Variants in TRMT6 observed in about 807,000 individuals in gnomAD.
TRMT6 encodes the protein tRNA (adenine(58)-N(1))-methyltransferase non-catalytic subunit TRM6.
A neutral mutation model predicts 59.0 loss-of-function variants in TRMT6; 34 were observed. The ratio of observed to expected loss-of-function variants is 0.58; its 90% confidence interval spans 0.44 to 0.77. The LOEUF (loss-of-function observed/expected upper bound fraction) is 0.77. TRMT6 is among the 30% of genes least tolerant of loss of function. The pLI is 0.00. For synonymous variants in TRMT6, 217 were observed against 210.5 expected (o/e 1.03, Z -0.27); for missense variants, 575 against 604.5 (o/e 0.95, Z 0.51).
intron 2 of TRMT6, among the ~76,000 whole-genome samples, chr20:5,945,610 T>C (rs1222888835): frequency 1.3e-5 from 2 of 152,210 alleles, no homozygotes; most frequent in Non-Finnish European, 2.9e-5. Context: ...ACTGCTATAA[T>C]TGCAGCGCCA....
At chr20:5,944,667 T>C (rs1201936785) in intron 3 of TRMT6, 138 bp downstream of exon 3, 2 of 621,960 alleles carry the variant, frequency 3.2e-6, no homozygotes, top group African/African-American at 3.7e-5. Context: ...TTGAGTAACA[T>C]GTACATTTCA....
At chr20:5,944,721 T>A in intron 3 of TRMT6, 84 bp downstream of exon 3, 1 of 971,286 alleles carries the variant, frequency 1.0e-6, no homozygotes, top group South Asian at 1.4e-5. Flanking sequence ...TTGTTTTACC[T>A]TAGGTACAGT....
rs777495177 is a variant in TRMT6 at position 5,942,003 on chromosome 20, T to A, written c.1060A>T (p.Arg354Trp). ...QEKQRRQEEQ[R>W]KRHLEAAALL... Reference sequence around the variant, plus strand: ...GCGGCAGCCTCTAAATGTCTTTTCCTCTGCTCTTCTTGTCTCCTCTGTTTT... The same window carrying A: ...GCGGCAGCCTCTAAATGTCTTTTCCACTGCTCTTCTTGTCTCCTCTGTTTT... Residue 354 changes from arginine to tryptophan, a missense_variant, in exon 8 of 11, where the codon AGG becomes TGG. Coordinates refer to ENST00000203001, the MANE Select transcript of TRMT6 (RefSeq NM_015939.5). 6.2e-7 allele frequency: 1 copy of A among 1,613,324 alleles called. No individual in the cohort carries two copies.
At position 5,944,705 on chromosome 20, in the gene TRMT6, A is replaced by AT. The variant is rs376710598; in HGVS notation, c.366+99dup. Reference sequence around the variant, plus strand: ...CTATTTCTATCAAAGCTATAACGTTATTTTTTTGTTTTACCTTAGGTACAG... The same window carrying AT: ...CTATTTCTATCAAAGCTATAACGTTATTTTTTTTGTTTTACCTTAGGTACAG... On this transcript the variant is annotated intron_variant, in intron 3 of 10. Coordinates refer to ENST00000203001, the MANE Select transcript of TRMT6 (RefSeq NM_015939.5). 4.2e-4 allele frequency: 320 copies of AT among 768,634 alleles called. 1 individual carries two copies. The African/African-American group carries it at 4.8e-3, about 12-fold the overall frequency. 47.6% of individuals were successfully genotyped at this position (768,634 alleles called of 1,614,324 possible). A position where few individuals can be genotyped will look rare whatever the true frequency, so the allele number is the denominator to read the frequency against.
chr20:5,946,381 T>C (rs2088706528), intron 2 of TRMT6, 25 bp downstream of exon 2: 1 of 1,614,098 alleles, frequency 6.2e-7, no homozygotes, highest in East Asian at 2.2e-5. Context: ...GGAGAGCATC[T>C]ATTTCACGCA....
At chr20:5,943,053 T>C (rs2088672616) in intron 6 of TRMT6, among the ~76,000 whole-genome samples, 1 of 152,140 alleles carries the variant, frequency 6.6e-6, no homozygotes, top group Admixed American at 6.5e-5. Context: ...GTCTGCAAAT[T>C]TGGATGTCAC....
intron 8 of TRMT6, 46 bp downstream of exon 8, chr20:5,941,905 A>G (rs747795513): frequency 6.8e-7 from 1 of 1,468,628 alleles, no homozygotes; most frequent in Admixed American, 1.7e-5. Context: ...TCTGAAGCAG[A>G]GCCCACATGC....
At chr20:5,946,674 A>G in intron 1 of TRMT6, 141 bp from the exon 2 acceptor site, 3 of 750,392 alleles carry the variant, frequency 4.0e-6, no homozygotes, top group Non-Finnish European at 2.1e-6. Context: ...CAACAAAGGA[A>G]CTAGAGAGAA....
At position 5,938,671 on chromosome 20, in the gene TRMT6, A is replaced by C; in HGVS notation, c.1358T>G (p.Leu453Arg). 1 of 1,614,222 alleles carries C rather than the reference A, an allele frequency of 6.2e-7. No individual in the cohort carries two copies. Among genetic ancestry groups the C allele is most frequent in the African/African-American group, 1.3e-5 (1 of 75,054 alleles). Residue 453 changes from leucine to arginine, a missense_variant, in exon 11 of 11, where the codon CTT becomes CGT. Transcript: ENST00000203001. ...KLLMSGGGGY[L>R]LSGFTVAMDN... ...CATGGCAACGGTGAAGCCGGAGAGA[A>C]GATAACCCCCACCTCCACTCATCAG...
intron 7 of TRMT6, 193 bp downstream of exon 7, chr20:5,942,235 G>T: frequency 1.4e-6 from 1 of 721,818 alleles, no homozygotes; most frequent in Non-Finnish European, 2.3e-6. Flanking sequence ...TCTATGCAAC[G>T]CTTCTGTATC....
chr20:5,939,501 A>AG (rs1363174306), intron 10 of TRMT6, among the ~76,000 whole-genome samples: 1 of 150,318 alleles, frequency 6.7e-6, no homozygotes, highest in African/African-American at 2.5e-5. Flanking sequence ...AAAAAAAAAA[A>AG]AGAGAAGAAA....
chr20:5,948,386 C>T (rs2088726861), intron 1 of TRMT6, among the ~76,000 whole-genome samples: 1 of 152,100 alleles, frequency 6.6e-6, no homozygotes, highest in Admixed American at 6.6e-5. Context: ...GAGTGTAGCC[C>T]CAAGGGTGAT....
intron 1 of TRMT6, among the ~76,000 whole-genome samples, chr20:5,948,662 G>A (rs188453388): frequency 2.0e-5 from 3 of 151,916 alleles, no homozygotes; most frequent in African/African-American, 7.2e-5. Context: ...ACAACATAGT[G>A]AAACTCTGTC....
At chr20:5,942,962 T>C (rs968559529) in intron 6 of TRMT6, among the ~76,000 whole-genome samples, 176 bp from the exon 7 acceptor site, 3 of 152,098 alleles carry the variant, frequency 2.0e-5, no homozygotes, top group African/African-American at 7.2e-5. Flanking sequence ...GTATTACCAA[T>C]GGAGGTAATA....
chr20:5,939,397 C>G (rs1198954495), intron 10 of TRMT6, among the ~76,000 whole-genome samples: 1 of 151,154 alleles, frequency 6.6e-6, no homozygotes, highest in African/African-American at 2.4e-5. Flanking sequence ...AGGAGAATTG[C>G]TTGAACCCGG....
In TRMT6 at chr20:5,944,889, A is replaced by G. The variant is rs1387172538; in HGVS notation, c.282T>C (p.Asn94=). The G allele has an allele frequency of 6.2e-7, 1 of 1,613,872 alleles. No homozygotes were observed. The highest frequency in any genetic ancestry group is 8.5e-7 in the Non-Finnish European group (1 of 1,179,810). Residue 94 remains asparagine, a synonymous_variant, in exon 3 of 11, where the codon AAT becomes AAC. Coordinates refer to ENST00000203001, the MANE Select transcript of TRMT6 (RefSeq NM_015939.5). The part of the protein sequence containing the change: ...TAETKEAGTD[N]RNIVDDGKSQ... ...ATTTCCCATCATCAACTATATTTCG[A>G]TTATCAGTGCCCGCTTCTTTAGTCT...
At chr20:5,949,918 C>T (rs1299728985) in intron 1 of TRMT6, among the ~76,000 whole-genome samples, 1 of 139,450 alleles carries the variant, frequency 7.2e-6, no homozygotes, top group Non-Finnish European at 1.5e-5. Flanking sequence ...AACTTCAGGA[C>T]AGGTGATTAG....
rs1045981680 is a variant in TRMT6, at chr20:5,946,625, C to T, written c.129-92G>A. 28 of 1,195,250 alleles carry T rather than the reference C, an allele frequency of 2.3e-5. No individual in the cohort carries two copies. In the Admixed American group the frequency reaches 5.5e-4, roughly 23 times the overall value. 74.0% of individuals were successfully genotyped at this position (1,195,250 alleles called of 1,614,324 possible). Reference sequence around the variant, plus strand: ...TACAGTTTATTTCAAAAGTGGTCTCCACAATGGATGATCAGCAGCATTATC... The same window carrying T: ...TACAGTTTATTTCAAAAGTGGTCTCTACAATGGATGATCAGCAGCATTATC... On this transcript the variant is annotated intron_variant, in intron 1 of 10. Transcript: ENST00000203001.
In TRMT6 at chr20:5,938,325, A is replaced by G; in HGVS notation, c.*210T>C. ...GGAGTTTTGTTAAATGCAGTTGGTC[A>G]TACTACATACCCCATGGTTGCAGTT... On this transcript the variant is annotated 3_prime_UTR_variant, in exon 11 of 11. Coordinates refer to ENST00000203001, the MANE Select transcript of TRMT6 (RefSeq NM_015939.5). 2.0e-6 allele frequency: 1 copy of G among 499,322 alleles called. No homozygotes were observed. The highest frequency in any genetic ancestry group is 3.5e-6 in the Non-Finnish European group (1 of 282,980). 30.9% of individuals were successfully genotyped at this position (499,322 alleles called of 1,614,324 possible). A position where few individuals can be genotyped will look rare whatever the true frequency, so the allele number is the denominator to read the frequency against.
Sources: gnomAD v4.1 joint callset for allele counts (sites outside exome capture counted in the v4.1 genomes callset) on GRCh38, gnomAD v4.1.1 for gene constraint, MANE v1.5 for transcripts, NCBI Gene and HGNC (gene_info 2026-07-23, HGNC 2026-07-21) for gene names.